OBSL1: variants seen among roughly 807,000 people sequenced by gnomAD.
OBSL1 encodes obscurin-like protein 1.
OBSL1 carries 160 observed loss-of-function variants against 172.0 expected under a neutral mutation model. The ratio of observed to expected loss-of-function variants is 0.93; its 90% CI spans 0.82 to 1.06. The LOEUF is 1.06. Among genes scored for constraint, OBSL1 ranks in the 50% least tolerant of loss-of-function variants. OBSL1 has a pLI of 0.00. For synonymous variants in OBSL1, 1,200 were observed against 1,196.3 expected (o/e 1.00, Z -0.06); for missense variants, 2,681 against 2,715.4 (o/e 0.99, Z 0.28).
chr2:219,551,037 T>G, intron 20 of OBSL1, 195 bp from the exon 21 acceptor site: 2 of 1,440,676 alleles, frequency 1.4e-6, no homozygotes, highest in Non-Finnish European at 9.1e-7. Flanking sequence ...GCGCGGCACC[T>G]GAAGGGAATG....
chr2:219,550,007 G>C, downstream of OBSL1: 1 of 1,076,974 alleles, frequency 9.3e-7, no homozygotes, highest in Non-Finnish European at 1.3e-6. Flanking sequence ...TCTCAGGCGA[G>C]TCTTGGCCTG....
chr2:219,549,833 AG>A (rs774012490), downstream of OBSL1: 2 of 1,614,062 alleles, frequency 1.2e-6, no homozygotes, highest in Admixed American at 3.3e-5. Flanking sequence ...CAGCCTGCTC[AG>A]GCCCCCCAGT....
chr2:219,547,767 C>G, downstream of OBSL1: 1 of 1,594,480 alleles, frequency 6.3e-7, no homozygotes, highest in Non-Finnish European at 8.5e-7. Context: ...TACTACCAGC[C>G]AGGCTCCGTG....
In OBSL1 at chr2:219,556,145, C is replaced by A. The variant is rs374911539; in HGVS notation, c.4484G>T (p.Arg1495Leu). The A allele has an allele frequency of 1.2e-6, 2 of 1,613,844 alleles. No homozygotes were observed. The highest frequency in any genetic ancestry group is 1.7e-6 in the Non-Finnish European group (2 of 1,179,848). Reference protein sequence around the residue: ...RGGQPLPHDSRLSMAQDGHIH... With the variant: ...RGGQPLPHDSLLSMAQDGHIH... Reference sequence around the variant, plus strand: ...GTGCCCATCCTGGGCCATGGACAGGCGAGAGTCGTGGGGCAGGGGCTGCCC... The same window carrying A: ...GTGCCCATCCTGGGCCATGGACAGGAGAGAGTCGTGGGGCAGGGGCTGCCC... The change falls in exon 14 of 21, where the codon CGC (arginine) becomes CTC (leucine). Residue 1495 changes from arginine to leucine, a missense_variant. Physicochemically the swap from Arg to Leu is moderately radical, Grantham distance 102. Transcript: ENST00000404537.
intron 19 of OBSL1, 120 bp from the exon 20 acceptor site, chr2:219,551,918 G>C (rs975068049): frequency 1.8e-5 from 15 of 852,230 alleles, no homozygotes; most frequent in Non-Finnish European, 2.8e-5. Flanking sequence ...CCACCAGTCC[G>C]TTCCCTTGCA....
chr2:219,556,936 C>T (rs974770442), intron 12 of OBSL1: 11 of 554,090 alleles, frequency 2.0e-5, no homozygotes, highest in African/African-American at 9.4e-5. Flanking sequence ...GCCTAGCACC[C>T]CACCTTGGTG....
chr2:219,570,348 G>C lies in OBSL1; in HGVS notation c.885C>G (p.Tyr295Ter), dbSNP rs371866150. 6 of 1,612,798 alleles carry C rather than the reference G, an allele frequency of 3.7e-6. No individual in the cohort carries two copies. In the African/African-American group the frequency reaches 8.0e-5, roughly 22 times the overall value. The part of the protein sequence containing the change: ...PLLPDRRRLM[Y>*]RDRDGGFVLK... ...GCACGAAGCCGCCGTCGCGGTCGCGGTACATGAGGCGGCGGCGGTCCGGGA... is the reference window on the plus strand; with the variant it reads ...GCACGAAGCCGCCGTCGCGGTCGCGCTACATGAGGCGGCGGCGGTCCGGGA... The change falls in exon 1 of 21, where the codon TAC becomes TAG. Residue 295 changes from tyrosine to a stop codon, truncating the protein, a stop_gained. Transcript: ENST00000404537. LOFTEE classifies it high-confidence loss of function.
At chr2:219,564,497 T>C (rs1398760550) in intron 6 of OBSL1, among the ~76,000 whole-genome samples, 2 of 152,212 alleles carry the variant, frequency 1.3e-5, no homozygotes, top group Admixed American at 6.5e-5. Flanking sequence ...GAGTGTATAT[T>C]GAAAATACTT....
At position 219,562,556 on chromosome 2, in the gene OBSL1, C is replaced by G; in HGVS notation, c.2799G>C (p.Lys933Asn). 6.2e-7 allele frequency: 1 copy of G among 1,613,806 alleles called. No homozygotes were observed. The highest frequency in any genetic ancestry group is 8.5e-7 in the Non-Finnish European group (1 of 1,179,850). Residue 933 changes from lysine (K) to asparagine (N), a missense_variant, in exon 8 of 21, where the codon AAG (lysine) becomes AAC (asparagine). Coordinates refer to ENST00000404537, the MANE Select transcript of OBSL1 (RefSeq NM_015311.3). ...CRPWAEVRWT[K>N]DGEEVVESPA... ...GGCTCTCCACCACCTCCTCTCCATCCTTGGTCCAGCGCACCTCTGCCCAGG... is the reference window on the plus strand; with the variant it reads ...GGCTCTCCACCACCTCCTCTCCATCGTTGGTCCAGCGCACCTCTGCCCAGG...
intron 8 of OBSL1, among the ~76,000 whole-genome samples, chr2:219,559,895 T>C (rs1696339757): frequency 6.6e-6 from 1 of 152,230 alleles, no homozygotes; most frequent in Non-Finnish European, 1.5e-5. Context: ...TATACAGCTA[T>C]AGCTATATTC....
chr2:219,547,298 GACC>G (rs1695408732), downstream of OBSL1: 1 of 451,876 alleles, frequency 2.2e-6, no homozygotes, highest in African/African-American at 2.0e-5. Flanking sequence ...CCTTCCCATT[GACC>G]ACCAACAGCC....
rs760168617 is a variant in OBSL1, at chr2:219,570,245, T to C, written c.988A>G (p.Ser330Gly). 1.9e-6 allele frequency: 3 copies of C among 1,580,382 alleles called. No individual in the cohort carries two copies. The highest frequency in any genetic ancestry group is 2.2e-5 in the East Asian group (1 of 44,460). Residue 330 changes from serine to glycine, a missense_variant, in exon 1 of 21, where the codon AGT becomes GGT. Coordinates refer to ENST00000404537, the MANE Select transcript of OBSL1 (RefSeq NM_015311.3). ...CCTTTCACGTGCAGCTGCACGGCAC[T>C]GAGCGTCTGGCCCGCCGAGTTGCGC... ...AARNSAGQTL[S>G]AVQLHVKEPR...
downstream of OBSL1, chr2:219,549,324 C>A: frequency 6.2e-7 from 1 of 1,613,768 alleles, no homozygotes; most frequent in Non-Finnish European, 8.5e-7. Context: ...CAGTGCCCAT[C>A]AAACGCTTCA....
chr2:219,571,277 GGGGGGT>G lies in OBSL1; in HGVS notation c.-51_-46del. On this transcript the variant is annotated 5_prime_UTR_variant, in exon 1 of 21. Transcript: ENST00000404537. ...CAGCGGCGAACGGTGGGGGGGCAGGGGGGGGTGCGGAGGGCGAGCCGAGGCCCGGGG... is the reference window on the plus strand; with the variant it reads ...CAGCGGCGAACGGTGGGGGGGCAGGGGCGGAGGGCGAGCCGAGGCCCGGGG... 2 of 1,086,858 alleles carry G rather than the reference GGGGGGT, an allele frequency of 1.8e-6. No homozygotes were observed. The highest frequency in any genetic ancestry group is 2.3e-6 in the Non-Finnish European group (2 of 851,240). 67.3% of individuals were successfully genotyped at this position (1,086,858 alleles called of 1,614,324 possible). A position where few individuals can be genotyped will look rare whatever the true frequency, so the allele number is the denominator to read the frequency against.
chr2:219,559,241 G>A lies in OBSL1; in HGVS notation c.3210C>T (p.Phe1070=), dbSNP rs773130295. The A allele has an allele frequency of 3.7e-6, 6 of 1,607,210 alleles. No individual in the cohort carries two copies. The South Asian group carries it at 6.6e-5, about 18-fold the overall frequency. The change falls in exon 9 of 21, where the codon TTC becomes TTT. Residue 1070 remains phenylalanine (F), a synonymous_variant. Transcript: ENST00000404537. ...VCDAGDDSAF[F]TVTVTAPPER... The stretch of plus-strand genomic sequence containing the variant: ...ACTGCCCACCTGTGACAGTGACAGT[G>A]AAGAAGGCCGAGTCATCTCCAGCAT...
At chr2:219,552,034 G>T in intron 19 of OBSL1, 78 bp downstream of exon 19, 1 of 1,405,602 alleles carries the variant, frequency 7.1e-7, no homozygotes, top group Non-Finnish European at 9.9e-7. Context: ...CGTTCTTGGG[G>T]CCAGCCCCAA....
At position 219,568,291 on chromosome 2, in the gene OBSL1, TCCTGCAGGGGC is replaced by T. The variant is rs1559156225; in HGVS notation, c.1035_1045del (p.Pro346ArgfsTer5). The T allele has an allele frequency of 6.2e-7, 1 of 1,608,364 alleles. No homozygotes were observed. The highest frequency in any genetic ancestry group is 1.1e-5 in the South Asian group (1 of 90,312). ...AATCCCGTGCTCACGGCCCTCCACG[TCCTGCAGGGGC>T]CGTGTGAACCGGAGGCGGGGCTCTG... On this transcript the variant is annotated frameshift_variant, in exon 2 of 21. Coordinates refer to ENST00000404537, the MANE Select transcript of OBSL1 (RefSeq NM_015311.3). LOFTEE classifies it high-confidence loss of function. The surrounding 1 kb of genome is among the most constrained non-coding windows in gnomAD (Gnocchi z 4.1).
chr2:219,562,549 C>T lies in OBSL1; in HGVS notation c.2806G>A (p.Glu936Lys). ...AGCGCGGGGCTCTCCACCACCTCCT[C>T]TCCATCCTTGGTCCAGCGCACCTCT... ...WAEVRWTKDG[E>K]EVVESPALLL... Residue 936 changes from glutamate to lysine, a missense_variant, in exon 8 of 21, where the codon GAG becomes AAG. Transcript: ENST00000404537. The T allele has an allele frequency of 6.2e-7, 1 of 1,613,902 alleles. No individual in the cohort carries two copies. Among genetic ancestry groups the T allele is most frequent in the Non-Finnish European group, 8.5e-7 (1 of 1,179,866 alleles).
At chr2:219,549,434 G>C (rs1042398248), downstream of OBSL1, 4 of 1,494,830 alleles carry the variant, frequency 2.7e-6, no homozygotes, top group South Asian at 1.3e-5. Context: ...CTTTCCCCAC[G>C]GGCTGGTTGC....
Sources: gnomAD v4.1 joint callset for allele counts (sites outside exome capture counted in the v4.1 genomes callset) on GRCh38, gnomAD v4.1.1 for gene constraint, Gnocchi (gnomAD v3.1) non-coding constraint, MANE v1.5 for transcripts, NCBI Gene and HGNC (gene_info 2026-07-23, HGNC 2026-07-21) for gene names.